Variants in OR2L13 observed in about 807,000 individuals in gnomAD.
OR2L13 encodes olfactory receptor 2L13.
Under a neutral mutation model 15.3 loss-of-function variants are expected in OR2L13, and 14 were observed. That is an observed-to-expected ratio of 0.91 (90% CI 0.60 to 1.43). The LOEUF (loss-of-function observed/expected upper bound fraction) is 1.43. OR2L13 is among the 40% of genes most tolerant of loss of function. OR2L13 has a pLI of 0.00. For missense variants in OR2L13, 367 were observed against 387.9 expected, an observed-to-expected ratio of 0.95 and a Z score of 0.45; for synonymous variants, 152 against 142.9, an observed-to-expected ratio of 1.06 and a Z score of -0.45.
At chr1:247,941,705 C>T in the OR2L13 span, among the ~76,000 whole-genome samples, 1 of 152,050 alleles carries the variant, frequency 6.6e-6, no homozygotes, top group East Asian at 1.9e-4. Flanking sequence ...ATTTGTGAAA[C>T]AAATGGACAA....
intron 1 of OR2L13, 114 bp from the exon 2 acceptor site, chr1:248,098,537 G>C (rs1664782164): frequency 6.6e-6 from 1 of 152,064 alleles, no homozygotes; most frequent in South Asian, 2.1e-4. Context: ...TTTTCCTGTG[G>C]CAGGCTCTCT....
chr1:248,078,102 G>A, the OR2L13 span, among the ~76,000 whole-genome samples: 3 of 151,992 alleles, frequency 2.0e-5, no homozygotes, highest in African/African-American at 4.8e-5. Context: ...AACTACATAC[G>A]TATCAGAATA....
At chr1:248,061,073 A>G in the OR2L13 span, 2 of 1,613,882 alleles carry the variant, frequency 1.2e-6, no homozygotes, top group Non-Finnish European at 1.7e-6. Flanking sequence ...CCTCTTCACT[A>G]TCCCATCCGC....
the OR2L13 span, among the ~76,000 whole-genome samples, chr1:248,069,570 C>G: frequency 1.3e-5 from 2 of 152,084 alleles, no homozygotes; most frequent in Admixed American, 1.3e-4. Flanking sequence ...CATCAACTGT[C>G]GAGCAAAATA....
the OR2L13 span, among the ~76,000 whole-genome samples, chr1:247,988,231 C>G: frequency 1.3e-5 from 2 of 151,558 alleles, no homozygotes; most frequent in Admixed American, 1.3e-4. Flanking sequence ...TATTAATTTT[C>G]TAATATTTCT....
the OR2L13 span, among the ~76,000 whole-genome samples, chr1:247,953,251 T>C: frequency 6.6e-6 from 1 of 152,216 alleles, no homozygotes; most frequent in African/African-American, 2.4e-5. Flanking sequence ...TTGTGCCTCG[T>C]TTTAGCCATT....
At chr1:247,993,077 TA>T in the OR2L13 span, among the ~76,000 whole-genome samples, 79 of 152,180 alleles carry the variant, frequency 5.2e-4, no homozygotes, top group Non-Finnish European at 1.1e-3. Flanking sequence ...GTGACTGGTA[TA>T]AAATGGTCTC....
chr1:247,942,856 C>T, the OR2L13 span, among the ~76,000 whole-genome samples: 35 of 152,244 alleles, frequency 2.3e-4, no homozygotes, highest in African/African-American at 7.2e-4. Flanking sequence ...ACACTTTGTT[C>T]TTGTTAAACA....
the OR2L13 span, chr1:247,965,343 A>C: frequency 6.3e-7 from 1 of 1,578,658 alleles, no homozygotes; most frequent in South Asian, 1.2e-5. Context: ...TGAACATTTC[A>C]GATGTCATCT....
the OR2L13 span, among the ~76,000 whole-genome samples, chr1:248,074,817 A>T: frequency 6.6e-6 from 1 of 152,176 alleles, no homozygotes; most frequent in African/African-American, 2.4e-5. Flanking sequence ...TACCCCTTGA[A>T]TCTAAAATAC....
chr1:248,019,343 CTT>C, the OR2L13 span, among the ~76,000 whole-genome samples: 1 of 152,038 alleles, frequency 6.6e-6, no homozygotes, highest in South Asian at 2.1e-4. Flanking sequence ...ATTGAGATGA[CTT>C]TTTCAGGATA....
At chr1:248,088,628 T>C in the OR2L13 span, among the ~76,000 whole-genome samples, 1 of 152,184 alleles carries the variant, frequency 6.6e-6, no homozygotes, top group Admixed American at 6.5e-5. Context: ...TAAAGTTGAT[T>C]CTGGCCTACA....
chr1:248,038,534 G>T, the OR2L13 span: 455 of 1,614,186 alleles, frequency 2.8e-4, 2 homozygotes, highest in Non-Finnish European at 3.6e-4. Flanking sequence ...ATGGAAACAA[G>T]TCTATCTCCT....
At chr1:247,987,115 A>C in the OR2L13 span, among the ~76,000 whole-genome samples, 1 of 152,210 alleles carries the variant, frequency 6.6e-6, no homozygotes, top group Non-Finnish European at 1.5e-5. Flanking sequence ...GTGTATAGCC[A>C]CTTGAAGCCT....
At chr1:248,005,856 G>A in the OR2L13 span, among the ~76,000 whole-genome samples, 1 of 152,176 alleles carries the variant, frequency 6.6e-6, no homozygotes, top group Non-Finnish European at 1.5e-5. Flanking sequence ...TGTCGTAGCA[G>A]TTAAAACATA....
At chr1:247,990,984 C>G in the OR2L13 span, 1 of 1,510,058 alleles carries the variant, frequency 6.6e-7, no homozygotes, top group African/African-American at 1.4e-5. Flanking sequence ...CCTATTCGAC[C>G]TGCAGCACCC....
At chr1:248,077,524 T>C in the OR2L13 span, among the ~76,000 whole-genome samples, 6,227 of 152,300 alleles carry the variant, frequency 0.041, 423 homozygotes, top group African/African-American at 0.14. Context: ...CAGAGCCTGT[T>C]ATTTGTCTAT....
At chr1:248,049,002 A>C in the OR2L13 span, among the ~76,000 whole-genome samples, 1 of 149,546 alleles carries the variant, frequency 6.7e-6, no homozygotes, top group Non-Finnish European at 1.5e-5. Flanking sequence ...GACCAGCCTT[A>C]TATTGTGATG....
At chr1:248,036,076 A>AT in the OR2L13 span, among the ~76,000 whole-genome samples, 1 of 152,094 alleles carries the variant, frequency 6.6e-6, no homozygotes, top group Non-Finnish European at 1.5e-5. Context: ...TTACTTTGTG[A>AT]TTTTACATGC....
Sources: allele counts gnomAD v4.1 joint callset (sites outside exome capture counted in the v4.1 genomes callset), GRCh38; gene constraint gnomAD v4.1.1; transcripts MANE v1.5; gene names NCBI Gene and HGNC (gene_info 2026-07-23, HGNC 2026-07-21).